The following ADGRG6 variants were observed in gnomAD, a reference collection of about 807,000 sequenced individuals.
ADGRG6 encodes the protein G-protein coupled receptor 126.
ADGRG6 carries 84 observed loss-of-function variants against 142.4 expected under a neutral mutation model. The observed-to-expected ratio is 0.59, with a 90% CI of 0.49 to 0.71. ADGRG6 has a LOEUF of 0.71. ADGRG6 is among the 30% of genes least tolerant of loss of function. The pLI is 0.00. For missense variants in ADGRG6, 1,367 were observed against 1,466.6 expected (o/e 0.93, Z 1.11); for synonymous variants, 521 against 520.5 (o/e 1.00, Z -0.01).
intron 22 of ADGRG6, among the ~76,000 whole-genome samples, chr6:142,423,801 A>G (rs1215394335): frequency 7.0e-6 from 1 of 142,878 alleles, no homozygotes; most frequent in Non-Finnish European, 1.5e-5. Context: ...CCTACCCATG[A>G]GCATGGAATG....
intron 2 of ADGRG6, among the ~76,000 whole-genome samples, chr6:142,318,690 A>C (rs1322420264): frequency 2.0e-5 from 3 of 151,866 alleles, no homozygotes; most frequent in Non-Finnish European, 4.4e-5. Context: ...TGGAGAATGG[A>C]TCTAGAAATG....
At chr6:142,307,490 T>G (rs1483445743) in intron 1 of ADGRG6, among the ~76,000 whole-genome samples, 2 of 152,078 alleles carry the variant, frequency 1.3e-5, no homozygotes, top group African/African-American at 2.4e-5. Context: ...TCCAAATAAG[T>G]GAACTTTCTA....
At chr6:142,405,261 T>C (rs1382307424) in intron 14 of ADGRG6, 4 of 443,862 alleles carry the variant, frequency 9.0e-6, no homozygotes, top group Admixed American at 2.5e-5. Context: ...AGAGTGTTCA[T>C]AAAATTTTAA....
chr6:142,339,012 A>G (rs1779489455), intron 2 of ADGRG6, among the ~76,000 whole-genome samples: 1 of 152,226 alleles, frequency 6.6e-6, no homozygotes, highest in Non-Finnish European at 1.5e-5. Flanking sequence ...AAATTAATGT[A>G]AGAATTCTTC....
At chr6:142,422,642 T>C (rs1327024176) in intron 22 of ADGRG6, among the ~76,000 whole-genome samples, 1 of 149,886 alleles carries the variant, frequency 6.7e-6, no homozygotes, top group Non-Finnish European at 1.5e-5. Flanking sequence ...CATGTGTCTT[T>C]ATAGCAGCAT....
intron 10 of ADGRG6, among the ~76,000 whole-genome samples, chr6:142,398,386 C>G (rs1264539291): frequency 1.3e-5 from 2 of 152,194 alleles, no homozygotes; most frequent in Admixed American, 6.5e-5. Flanking sequence ...GTTCATGCCA[C>G]TGCACTCCAG....
At chr6:142,330,946 C>G (rs142871736) in intron 2 of ADGRG6, among the ~76,000 whole-genome samples, 2 of 151,746 alleles carry the variant, frequency 1.3e-5, no homozygotes, top group African/African-American at 4.8e-5. Flanking sequence ...AAAAAAAAAG[C>G]TTTTTAAGCT....
intron 22 of ADGRG6, among the ~76,000 whole-genome samples, chr6:142,420,546 T>C (rs760873201): frequency 6.6e-6 from 1 of 152,186 alleles, no homozygotes; most frequent in Non-Finnish European, 1.5e-5. Context: ...TTAGAGTCTA[T>C]GTAAGAACAG....
chr6:142,340,269 A>G (rs1303351409), intron 2 of ADGRG6, among the ~76,000 whole-genome samples: 10 of 152,144 alleles, frequency 6.6e-5, no homozygotes, highest in Non-Finnish European at 1.3e-4. Context: ...ATTCTCAAGA[A>G]TAAATGTCCA....
intron 24 of ADGRG6, chr6:142,440,853 T>C: frequency 1.2e-6 from 1 of 860,854 alleles, no homozygotes; most frequent in East Asian, 2.9e-5. Context: ...ATCATGGATA[T>C]CTAGCTGGTT....
At chr6:142,326,430 A>C (rs1016104402) in intron 2 of ADGRG6, among the ~76,000 whole-genome samples, 1 of 152,098 alleles carries the variant, frequency 6.6e-6, no homozygotes, top group African/African-American at 2.4e-5. Context: ...ATTAACTAGA[A>C]TTTTAGAAAG....
intron 16 of ADGRG6, 117 bp from the exon 17 acceptor site, chr6:142,409,757 G>C (rs1384673909): frequency 4.0e-6 from 2 of 501,332 alleles, no homozygotes; most frequent in Non-Finnish European, 7.2e-6. Flanking sequence ...AGGTTGAATT[G>C]GCATGTTAAT....
intron 2 of ADGRG6, among the ~76,000 whole-genome samples, chr6:142,340,389 T>G (rs549428689): frequency 1.3e-5 from 2 of 152,258 alleles, no homozygotes; most frequent in Non-Finnish European, 2.9e-5. Flanking sequence ...GTGGTCATGA[T>G]TAAACTTATT....
chr6:142,370,301 G>A lies in ADGRG6; in HGVS notation c.577G>A (p.Gly193Ser). Residue 193 changes from glycine (G) to serine (S), a missense_variant, in exon 4 of 25, where the codon GGC (glycine) becomes AGC (serine). Gly to Ser is a moderately conservative substitution (Grantham distance 56). This residue lies in a region of ADGRG6 where 737 missense variants were observed against 746.5 expected (regional missense o/e 0.99). Coordinates refer to ENST00000367609, the MANE Select transcript of ADGRG6 (RefSeq NM_198569.3). The stretch of plus-strand genomic sequence containing the variant: ...ACTCTGCTTTGAAGCAACCAAAGTT[G>A]GCCATGAAGACAGTGATTGGACAGC... ...FTLCFEATKV[G>S]HEDSDWTAFS... 2.5e-6 allele frequency: 4 copies of A among 1,613,818 alleles called. No homozygotes were observed. The highest frequency in any genetic ancestry group is 3.4e-6 in the Non-Finnish European group (4 of 1,179,818).
At chr6:142,320,902 T>C (rs975041974) in intron 2 of ADGRG6, among the ~76,000 whole-genome samples, 2 of 152,054 alleles carry the variant, frequency 1.3e-5, no homozygotes, top group African/African-American at 4.8e-5. Flanking sequence ...TTTCAAAGGC[T>C]GATAAATTCT....
intron 4 of ADGRG6, among the ~76,000 whole-genome samples, chr6:142,379,246 TC>T (rs1271114629): frequency 6.6e-6 from 1 of 152,212 alleles, no homozygotes; most frequent in East Asian, 1.9e-4. Flanking sequence ...CTTCCTTTTT[TC>T]CTCTGTCTTT....
chr6:142,391,246 T>C (rs1012083159), intron 7 of ADGRG6, among the ~76,000 whole-genome samples: 13 of 151,810 alleles, frequency 8.6e-5, no homozygotes, highest in African/African-American at 3.1e-4. Flanking sequence ...TTTCATTTCC[T>C]ACCTACAGCA....
At chr6:142,420,401 G>A (rs1582665619) in intron 22 of ADGRG6, among the ~76,000 whole-genome samples, 1 of 152,168 alleles carries the variant, frequency 6.6e-6, no homozygotes, top group Non-Finnish European at 1.5e-5. Flanking sequence ...AGCAAGGGAA[G>A]TATCTAGCTG....
intron 18 of ADGRG6, among the ~76,000 whole-genome samples, chr6:142,412,196 C>T (rs1776123122): frequency 6.6e-6 from 1 of 152,196 alleles, no homozygotes; most frequent in Non-Finnish European, 1.5e-5. Context: ...ATCCAGTTTA[C>T]CTGTGATTTT....
Sources: gnomAD v4.1 joint callset for allele counts (sites outside exome capture counted in the v4.1 genomes callset) on GRCh38, gnomAD v4.1.1 for gene constraint, gnomAD v4.1.1 regional missense constraint, MANE v1.5 for transcripts, NCBI Gene and HGNC (gene_info 2026-07-23, HGNC 2026-07-21) for gene names.